Variants in PAX3 observed in about 807,000 individuals in gnomAD.
PAX3 encodes paired box protein Pax-3.
PAX3 carries 14 observed loss-of-function variants against 51.6 expected under a neutral mutation model. That is an observed-to-expected ratio of 0.27 (90% confidence interval 0.18 to 0.42). The LOEUF (loss-of-function observed/expected upper bound fraction) is 0.42, where lower values mean the gene tolerates loss of function less well. Ranked by LOEUF, PAX3 falls within the 10% of genes least tolerant of loss-of-function variation. The probability of loss-of-function intolerance (pLI) is 1.00; values close to 1 mark genes in which losing one functional copy is unlikely to be tolerated. For synonymous variants in PAX3, 280 were observed against 253.4 expected (o/e 1.11, Z -1.00); for missense variants, 540 against 642.8 (o/e 0.84, Z 1.73).
At chr2:222,280,316 G>C (rs1694595023) in intron 4 of PAX3, among the ~76,000 whole-genome samples, 1 of 129,828 alleles carries the variant, frequency 7.7e-6, no homozygotes, top group Non-Finnish European at 1.6e-5. Flanking sequence ...AAGGAGGGAG[G>C]AGGGGGAGGG....
intron 4 of PAX3, among the ~76,000 whole-genome samples, chr2:222,278,658 T>C (rs943767595): frequency 6.6e-6 from 1 of 152,172 alleles, no homozygotes; most frequent in Admixed American, 6.5e-5. Flanking sequence ...GACAGCTCAA[T>C]GGGGAATTGT....
At chr2:222,208,910 T>C (rs1574629234) in intron 7 of PAX3, among the ~76,000 whole-genome samples, 1 of 152,158 alleles carries the variant, frequency 6.6e-6, no homozygotes, top group Non-Finnish European at 1.5e-5. Context: ...CGAACTTCCA[T>C]GTAAGGAAAT....
Position 222,298,675 on chromosome 2 carries a change from G to A in PAX3, c.-60C>T. 2 of 1,482,880 alleles carry A rather than the reference G, an allele frequency of 1.3e-6. No individual in the cohort carries two copies. Among genetic ancestry groups the A allele is most frequent in the East Asian group, 4.9e-5 (2 of 41,020 alleles). The allele number at this position is 1,482,880 out of a possible 1,614,324, so 91.9% of individuals were successfully genotyped here. On this transcript the variant is annotated 5_prime_UTR_variant, in exon 1 of 9. Coordinates refer to ENST00000392070, the MANE Select transcript of PAX3 (RefSeq NM_181458.4). The stretch of plus-strand genomic sequence containing the variant: ...GTGAAGGCGAAACGGAAAGGCGAGT[G>A]CGGCGCGGATGACCCTCGGGAACTA...
Position 222,218,806 on chromosome 2 carries a change from AT to A in PAX3, c.1173+1333del, listed in dbSNP as rs75129267. On this transcript the variant is annotated intron_variant, in intron 7 of 8. Coordinates refer to ENST00000392070, the MANE Select transcript of PAX3 (RefSeq NM_181458.4). ...AGCTGAGGTTTAAAGCCACCTCATAATTTTTTTTTTATCCCAGGATGTGCTA... is the reference window on the plus strand; with the variant it reads ...AGCTGAGGTTTAAAGCCACCTCATAATTTTTTTTTATCCCAGGATGTGCTA... Among the ~76,000 whole-genome samples the A allele has an allele frequency of 3.3e-4, 49 of 150,720 alleles. No individual in the cohort carries two copies. The East Asian group carries it at 4.3e-3, about 13-fold the overall frequency.
At chr2:222,246,670 C>CT (rs1216328805) in intron 4 of PAX3, among the ~76,000 whole-genome samples, 1 of 152,044 alleles carries the variant, frequency 6.6e-6, no homozygotes, top group Non-Finnish European at 1.5e-5. Context: ...TCTTCGCATT[C>CT]TTTTTTTCTG....
intron 5 of PAX3, among the ~76,000 whole-genome samples, chr2:222,223,831 C>T (rs976372903): frequency 3.3e-5 from 5 of 152,126 alleles, no homozygotes; most frequent in African/African-American, 4.8e-5. Context: ...CAGAAAGGTA[C>T]GCTTCGGTTT....
intron 7 of PAX3, among the ~76,000 whole-genome samples, chr2:222,210,624 C>A (rs912682995): frequency 3.3e-5 from 5 of 152,050 alleles, no homozygotes. Context: ...GTATTGTAAC[C>A]TGAATTTCTC....
rs1414840887 is a variant in PAX3, at chr2:222,298,600, C to G, written c.16G>C (p.Gly6Arg). ...GGCCGCATCATCCTGGGCACAGCGC[C>G]GGCCAGCGTGGTCATCCTGGGGGCA... MTTLAGAVPRMMRPGP... is the reference protein window; with the variant it reads MTTLARAVPRMMRPGP... The change falls in exon 1 of 9, where the codon GGC (glycine) becomes CGC (arginine). Residue 6 changes from glycine to arginine, a missense_variant. Around this residue, in one of 3 missense-constraint regions of PAX3, gnomAD observed 63 missense variants for 49.9 expected, o/e 1.26. Transcript: ENST00000392070. 4 of 1,606,876 alleles carry G rather than the reference C, an allele frequency of 2.5e-6. No individual in the cohort carries two copies. The highest frequency in any genetic ancestry group is 2.5e-6 in the Non-Finnish European group (3 of 1,177,106).
chr2:222,255,695 G>A (rs1264309933), intron 4 of PAX3, among the ~76,000 whole-genome samples: 5 of 151,994 alleles, frequency 3.3e-5, no homozygotes, highest in Non-Finnish European at 2.9e-5. Flanking sequence ...AGTGAATTCC[G>A]TGATCTGTCA....
intron 4 of PAX3, among the ~76,000 whole-genome samples, chr2:222,284,760 G>A (rs1054713350): frequency 1.3e-5 from 2 of 152,032 alleles, no homozygotes; most frequent in Admixed American, 6.6e-5. Context: ...TTTCCCCCCC[G>A]ACCAAGACTT....
intron 4 of PAX3, among the ~76,000 whole-genome samples, chr2:222,281,154 G>A (rs1022186197): frequency 1.3e-5 from 2 of 152,098 alleles, no homozygotes; most frequent in African/African-American, 4.8e-5. Context: ...ATTCTGCTCT[G>A]GCATACTGCT....
chr2:222,293,790 G>A (rs1695137678), intron 4 of PAX3: 2 of 1,613,986 alleles, frequency 1.2e-6, no homozygotes, highest in Non-Finnish European at 1.7e-6. Flanking sequence ...AACTTCTGAA[G>A]ATTCAAGTAC....
chr2:222,298,703 C>G lies in PAX3; in HGVS notation c.-88G>C, dbSNP rs902730813. 4 of 1,322,602 alleles carry G rather than the reference C, an allele frequency of 3.0e-6. No homozygotes were observed. The African/African-American group carries it at 4.4e-5, about 14-fold the overall frequency. 81.9% of individuals were successfully genotyped at this position (1,322,602 alleles called of 1,614,324 possible). On this transcript the variant is annotated 5_prime_UTR_variant, in exon 1 of 9. Coordinates refer to ENST00000392070, the MANE Select transcript of PAX3 (RefSeq NM_181458.4). Reference sequence around the variant, plus strand: ...GCGCGGATGACCCTCGGGAACTATCCGGAGCGTGGAGAGCCCCTCCCCAAA... The same window carrying G: ...GCGCGGATGACCCTCGGGAACTATCGGGAGCGTGGAGAGCCCCTCCCCAAA...
At chr2:222,255,397 C>T (rs1693600531) in intron 4 of PAX3, among the ~76,000 whole-genome samples, 1 of 152,206 alleles carries the variant, frequency 6.6e-6, no homozygotes, top group African/African-American at 2.4e-5. Context: ...TCTACCAGCA[C>T]CTGCATCAGA....
intron 4 of PAX3, among the ~76,000 whole-genome samples, chr2:222,293,454 C>T (rs907974627): frequency 3.9e-5 from 6 of 151,902 alleles, no homozygotes; most frequent in East Asian, 1.9e-4. Context: ...TTCTTAGTGC[C>T]GACAGTGCAC....
At chr2:222,242,319 T>C (rs1049945565) in intron 4 of PAX3, 2 of 152,150 alleles carry the variant, frequency 1.3e-5, no homozygotes, top group Non-Finnish European at 2.9e-5. Context: ...TTTACCATTA[T>C]GGACAAAATT....
chr2:222,298,770 C>A lies in PAX3; in HGVS notation c.-155G>T. On this transcript the variant is annotated 5_prime_UTR_variant, in exon 1 of 9. Transcript: ENST00000392070. Reference sequence around the variant, plus strand: ...GGAGGGACGCGGGGAGGGGGGCTGTCGGTTCCTAGTCCAGAGGCCGGAGCT... The same window carrying A: ...GGAGGGACGCGGGGAGGGGGGCTGTAGGTTCCTAGTCCAGAGGCCGGAGCT... 1 of 720,910 alleles carries A rather than the reference C, an allele frequency of 1.4e-6. No homozygotes were observed. Among genetic ancestry groups the A allele is most frequent in the Non-Finnish European group, 2.4e-6 (1 of 415,696 alleles). The allele number at this position is 720,910 out of a possible 1,614,324, so 44.7% of individuals were successfully genotyped here. A position where few individuals can be genotyped will look rare whatever the true frequency, so the allele number is the denominator to read the frequency against.
chr2:222,255,643 A>G (rs1693609865), intron 4 of PAX3, among the ~76,000 whole-genome samples: 1 of 152,232 alleles, frequency 6.6e-6, no homozygotes, highest in African/African-American at 2.4e-5. Flanking sequence ...TGATGTTAGG[A>G]AAGTACTGAC....
chr2:222,260,591 G>GGT lies in PAX3; in HGVS notation c.587-28309_587-28308insAC, dbSNP rs1693821506. 3.2e-5 allele frequency among the ~76,000 whole-genome samples: 2 copies of GGT among 63,090 alleles called. 1 individual carries two copies. The highest frequency in any genetic ancestry group is 1.0e-3 in the East Asian group (2 of 1,960). 41.4% of individuals were successfully genotyped at this position (63,090 alleles called of 152,430 possible). A position where few individuals can be genotyped will look rare whatever the true frequency, so the allele number is the denominator to read the frequency against. ...TTTTTTTTTTTTGTTTTTTTTTTTT[G>GGT]TTTTTTTTTTTTTTTTTTGAGGCAA... On this transcript the variant is annotated intron_variant, in intron 4 of 8. Coordinates refer to ENST00000392070, the MANE Select transcript of PAX3 (RefSeq NM_181458.4).
Sources: gnomAD v4.1 joint callset for allele counts (sites outside exome capture counted in the v4.1 genomes callset) on GRCh38, gnomAD v4.1.1 for gene constraint, gnomAD v4.1.1 regional missense constraint, MANE v1.5 for transcripts, NCBI Gene and HGNC (gene_info 2026-07-23, HGNC 2026-07-21) for gene names.